NALF1: variants seen among roughly 807,000 people sequenced by gnomAD.
NALF1 encodes the protein NALCN channel auxiliary factor 1.
NALF1 carries 3 observed loss-of-function variants against 48.4 expected under a neutral mutation model. The observed-to-expected ratio is 0.06, with a 90% CI of 0.03 to 0.16. NALF1 has a LOEUF of 0.16. Among genes scored for constraint, NALF1 ranks in the 10% least tolerant of loss-of-function variants. NALF1 has a pLI of 1.00. For missense variants in NALF1, 526 were observed against 571.5 expected (o/e 0.92, Z 0.81); for synonymous variants, 262 against 245.7 (o/e 1.07, Z -0.62).
At chr13:107,387,742 C>T (rs1037798059) in intron 1 of NALF1, among the ~76,000 whole-genome samples, 1 of 152,156 alleles carries the variant, frequency 6.6e-6, no homozygotes, top group Non-Finnish European at 1.5e-5. Context: ...GCCCAGAAAG[C>T]TAACAATTGG....
chr13:107,378,703 T>C (rs954247726), intron 1 of NALF1, among the ~76,000 whole-genome samples: 4 of 152,218 alleles, frequency 2.6e-5, no homozygotes, highest in African/African-American at 9.6e-5. Context: ...TTTTGAGATA[T>C]TGAATATGAA....
At chr13:107,342,781 G>A (rs1034781071) in intron 1 of NALF1, among the ~76,000 whole-genome samples, 5 of 152,136 alleles carry the variant, frequency 3.3e-5, no homozygotes, top group Admixed American at 6.5e-5. Context: ...AGGAATCAGA[G>A]CATGTCCATA....
intron 1 of NALF1, among the ~76,000 whole-genome samples, chr13:107,654,794 T>C (rs750119258): frequency 1.3e-5 from 2 of 151,964 alleles, no homozygotes; most frequent in South Asian, 2.1e-4. Flanking sequence ...AAAAAGGTAA[T>C]CTACCAAGAT....
intron 1 of NALF1, among the ~76,000 whole-genome samples, chr13:107,465,410 A>C (rs1386410662): frequency 6.6e-6 from 1 of 150,704 alleles, no homozygotes; most frequent in African/African-American, 2.4e-5. Context: ...CTCTTTCTTT[A>C]CCCTCCTAAT....
At chr13:107,382,104 AC>A (rs1230341545) in intron 1 of NALF1, among the ~76,000 whole-genome samples, 1 of 152,054 alleles carries the variant, frequency 6.6e-6, no homozygotes, top group African/African-American at 2.4e-5. Flanking sequence ...TTCTGAAAGT[AC>A]CCCCTCATTT....
At chr13:107,200,454 C>T (rs1879488387) in intron 2 of NALF1, among the ~76,000 whole-genome samples, 1 of 152,166 alleles carries the variant, frequency 6.6e-6, no homozygotes, top group Non-Finnish European at 1.5e-5. Context: ...GAGCGAGGGG[C>T]ATGATCTGTG....
rs59782928 is a variant in NALF1, at chr13:107,358,168, A to ATGTG, written c.916-147417_916-147414dup. 2.0e-3 allele frequency among the ~76,000 whole-genome samples: 284 copies of ATGTG among 144,012 alleles called. 7 individuals are homozygous for ATGTG. In the East Asian group the frequency reaches 0.052, roughly 26 times the overall value. The allele number at this position is 144,012 out of a possible 152,430, so 94.5% of individuals were successfully genotyped here. A position where few individuals can be genotyped will look rare whatever the true frequency, so the allele number is the denominator to read the frequency against. ...TATACCTATTTTATATACGTAACAT[A>ATGTG]TGTGTGTGTGTGTGTGTGTGTGTGT... is the stretch of plus-strand genomic sequence containing the variant. On this transcript the variant is annotated intron_variant, in intron 1 of 2. Coordinates refer to ENST00000375915, the MANE Select transcript of NALF1 (RefSeq NM_001080396.3).
rs1438718165 is a variant in NALF1 at position 107,519,081 on chromosome 13, A to G, written c.916-308326T>C. Among the ~76,000 whole-genome samples the G allele has an allele frequency of 2.0e-5, 3 of 151,364 alleles. No homozygotes were observed. The Admixed American group carries it at 2.0e-4, about 10-fold the overall frequency. On this transcript the variant is annotated intron_variant, in intron 1 of 2. Coordinates refer to ENST00000375915, the MANE Select transcript of NALF1 (RefSeq NM_001080396.3). ...AGGGCATAATTTAGTGTCTGCCTTC[A>G]GGAGAGCTCTGCTAATAGCTGATAA...
At chr13:107,517,108 T>C (rs1360872954) in intron 1 of NALF1, among the ~76,000 whole-genome samples, 1 of 152,206 alleles carries the variant, frequency 6.6e-6, no homozygotes, top group Admixed American at 6.5e-5. Flanking sequence ...TATATGTATA[T>C]GTGTATATCT....
At chr13:107,355,193 C>T (rs1016823823) in intron 1 of NALF1, among the ~76,000 whole-genome samples, 7 of 152,086 alleles carry the variant, frequency 4.6e-5, no homozygotes, top group Non-Finnish European at 5.9e-5. Context: ...AGTCTCTGCA[C>T]AACGAGGTCT....
chr13:107,330,790 T>C (rs768648203), intron 1 of NALF1, among the ~76,000 whole-genome samples: 3 of 152,218 alleles, frequency 2.0e-5, no homozygotes, highest in African/African-American at 4.8e-5. Context: ...ATTCAAACCC[T>C]GTCATGAGGA....
At chr13:107,179,935 T>A (rs1879027898) in intron 2 of NALF1, among the ~76,000 whole-genome samples, 1 of 144,308 alleles carries the variant, frequency 6.9e-6, no homozygotes, top group Non-Finnish European at 1.5e-5. Flanking sequence ...GCATATTGGA[T>A]CCCAGGCCCA....
chr13:107,505,801 T>C (rs1213028766), intron 1 of NALF1, among the ~76,000 whole-genome samples: 1 of 152,188 alleles, frequency 6.6e-6, no homozygotes, highest in Non-Finnish European at 1.5e-5. Context: ...AGTTACCAGT[T>C]TTGATTATTT....
At chr13:107,500,781 A>G (rs545781561) in intron 1 of NALF1, among the ~76,000 whole-genome samples, 12 of 152,074 alleles carry the variant, frequency 7.9e-5, no homozygotes, top group African/African-American at 2.9e-4. Context: ...GCCATAAAAA[A>G]TGATGAGTTC....
At chr13:107,698,253 G>C (rs1486304116) in intron 1 of NALF1, among the ~76,000 whole-genome samples, 1 of 152,100 alleles carries the variant, frequency 6.6e-6, no homozygotes, top group Non-Finnish European at 1.5e-5. Context: ...GGCATATGTA[G>C]TTCCCAAATG....
chr13:107,356,112 C>T (rs1440784721), intron 1 of NALF1, among the ~76,000 whole-genome samples: 1 of 152,170 alleles, frequency 6.6e-6, no homozygotes, highest in African/African-American at 2.4e-5. Flanking sequence ...CGATGTCATG[C>T]TGCTAATACA....
chr13:107,338,871 G>A (rs1882612828), intron 1 of NALF1, among the ~76,000 whole-genome samples: 1 of 152,122 alleles, frequency 6.6e-6, no homozygotes, highest in Non-Finnish European at 1.5e-5. Context: ...TGTGGCTCAT[G>A]CCTGTAATCC....
intron 1 of NALF1, among the ~76,000 whole-genome samples, chr13:107,797,191 C>T (rs1185864571): frequency 6.6e-6 from 1 of 152,002 alleles, no homozygotes; most frequent in Non-Finnish European, 1.5e-5. Context: ...TTCCTCATCA[C>T]CTCCCATTTT....
chr13:107,445,946 GA>G (rs1324198717), intron 1 of NALF1, among the ~76,000 whole-genome samples: 3 of 152,008 alleles, frequency 2.0e-5, no homozygotes, highest in African/African-American at 7.2e-5. Flanking sequence ...ATTTGGGACA[GA>G]TTTTTTTTTT....
Sources: allele counts gnomAD v4.1 joint callset (sites outside exome capture counted in the v4.1 genomes callset), GRCh38; gene constraint gnomAD v4.1.1; transcripts MANE v1.5; gene names NCBI Gene and HGNC (gene_info 2026-07-23, HGNC 2026-07-21).